Variants in ARHGAP42 observed in about 807,000 individuals in gnomAD.
ARHGAP42 encodes rho GTPase-activating protein 42.
ARHGAP42 carries 63 observed loss-of-function variants against 125.0 expected under a neutral mutation model. That is an observed-to-expected ratio of 0.50 (90% CI 0.41 to 0.62). The LOEUF (loss-of-function observed/expected upper bound fraction) is 0.62. Among genes scored for constraint, ARHGAP42 ranks in the 20% least tolerant of loss-of-function variants. The pLI, the probability that ARHGAP42 is intolerant of heterozygous loss-of-function variation, is 0.00. For synonymous variants in ARHGAP42, 339 were observed against 351.0 expected, an observed-to-expected ratio of 0.97 and a Z score of 0.38; for missense variants, 766 against 1,024.2, an observed-to-expected ratio of 0.75 and a Z score of 3.44.
chr11:100,850,467 C>G (rs1373205052), intron 3 of ARHGAP42, among the ~76,000 whole-genome samples: 1 of 152,138 alleles, frequency 6.6e-6, no homozygotes, highest in East Asian at 1.9e-4. Flanking sequence ...TTCTTCAGCT[C>G]CATTATAATC....
At chr11:100,799,610 G>A (rs1006760016) in intron 3 of ARHGAP42, among the ~76,000 whole-genome samples, 5 of 152,192 alleles carry the variant, frequency 3.3e-5, no homozygotes, top group Admixed American at 3.3e-4. Context: ...AGAATTAGAA[G>A]AGTAATGGAG....
chr11:100,904,409 G>A (rs1866664661), intron 4 of ARHGAP42, among the ~76,000 whole-genome samples: 1 of 152,084 alleles, frequency 6.6e-6, no homozygotes, highest in South Asian at 2.1e-4. Flanking sequence ...ACCACGCCCA[G>A]CTAATTTTTG....
At chr11:100,924,437 C>T (rs1158944711) in intron 6 of ARHGAP42, among the ~76,000 whole-genome samples, 4 of 151,864 alleles carry the variant, frequency 2.6e-5, no homozygotes, top group African/African-American at 7.3e-5. Flanking sequence ...GAGGCCGAGG[C>T]GGGTGGATCG....
chr11:100,813,427 G>A (rs1591202788), intron 3 of ARHGAP42, among the ~76,000 whole-genome samples: 1 of 152,192 alleles, frequency 6.6e-6, no homozygotes, highest in Admixed American at 6.5e-5. Context: ...GGTAACAGGT[G>A]TGGTGAGTGT....
At chr11:100,793,824 C>A (rs969228932) in intron 2 of ARHGAP42, among the ~76,000 whole-genome samples, 30 of 152,058 alleles carry the variant, frequency 2.0e-4, no homozygotes, top group African/African-American at 6.5e-4. Context: ...GTAATCCCAG[C>A]ACTTTGGGAG....
At chr11:100,787,044 G>A (rs1266675317) in intron 2 of ARHGAP42, among the ~76,000 whole-genome samples, 3 of 152,026 alleles carry the variant, frequency 2.0e-5, no homozygotes, top group African/African-American at 4.8e-5. Context: ...TTGGGAGGCC[G>A]AGGCGGGTGG....
chr11:100,855,586 A>G (rs1174147417), intron 3 of ARHGAP42, among the ~76,000 whole-genome samples: 1 of 152,100 alleles, frequency 6.6e-6, no homozygotes, highest in Non-Finnish European at 1.5e-5. Flanking sequence ...AAATCCAAAC[A>G]TATTTGGAGA....
intron 3 of ARHGAP42, among the ~76,000 whole-genome samples, chr11:100,835,013 C>G (rs1452387328): frequency 6.6e-6 from 1 of 151,988 alleles, no homozygotes; most frequent in Non-Finnish European, 1.5e-5. Context: ...TAAAACACTT[C>G]ATCTGAGTGA....
chr11:100,688,010 T>C, intron 1 of ARHGAP42, 178 bp downstream of exon 1: 1 of 600,062 alleles, frequency 1.7e-6, no homozygotes, highest in Non-Finnish European at 2.7e-6. Flanking sequence ...GTTCTTTACT[T>C]ACTCACATGT....
chr11:100,767,372 A>T (rs1862854662), intron 1 of ARHGAP42, among the ~76,000 whole-genome samples: 1 of 152,158 alleles, frequency 6.6e-6, no homozygotes, highest in Admixed American at 6.5e-5. Context: ...CAGAATTCTA[A>T]CCCAGTTAAT....
intron 4 of ARHGAP42, among the ~76,000 whole-genome samples, chr11:100,899,692 TTTTG>T (rs1343235515): frequency 7.1e-6 from 1 of 140,280 alleles, no homozygotes; most frequent in African/African-American, 2.7e-5. Flanking sequence ...TGTTTGTTTG[TTTTG>T]TTTTTTTTGT....
chr11:100,858,473 G>A (rs569549826), intron 3 of ARHGAP42, among the ~76,000 whole-genome samples: 1 of 152,020 alleles, frequency 6.6e-6, no homozygotes, highest in African/African-American at 2.4e-5. Flanking sequence ...TTTTATTTTT[G>A]TATATTATCT....
intron 23 of ARHGAP42, 80 bp from the exon 24 acceptor site, chr11:100,988,633 G>A (rs1005954597): frequency 1.7e-6 from 2 of 1,151,284 alleles, no homozygotes; most frequent in African/African-American, 3.0e-5. Flanking sequence ...ACAATCCGAT[G>A]TGGGTGTTTA....
At chr11:100,789,445 C>T (rs921887495) in intron 2 of ARHGAP42, among the ~76,000 whole-genome samples, 2 of 152,130 alleles carry the variant, frequency 1.3e-5, no homozygotes, top group African/African-American at 2.4e-5. Flanking sequence ...CTTGCAAGAT[C>T]GTAGACAGTT....
chr11:100,973,113 G>T (rs1483620335), intron 17 of ARHGAP42, 62 bp from the exon 18 acceptor site: 2 of 1,373,374 alleles, frequency 1.5e-6, no homozygotes, highest in Admixed American at 5.5e-5. Context: ...TTTGATAGAA[G>T]AGACTATTTC....
At chr11:100,956,887 A>G (rs183903069) in intron 12 of ARHGAP42, among the ~76,000 whole-genome samples, 1 of 152,216 alleles carries the variant, frequency 6.6e-6, no homozygotes. Flanking sequence ...TGTTCAAAAA[A>G]CAACACTTGT....
chr11:100,986,299 C>G (rs1858677025), intron 22 of ARHGAP42: 4 of 333,416 alleles, frequency 1.2e-5, no homozygotes, highest in Non-Finnish European at 1.7e-5. Context: ...AAGTACATGG[C>G]CATGTGAAGA....
At chr11:100,857,833 G>C (rs992635689) in intron 3 of ARHGAP42, among the ~76,000 whole-genome samples, 9 of 151,924 alleles carry the variant, frequency 5.9e-5, no homozygotes, top group African/African-American at 2.2e-4. Context: ...ACAGAAACCC[G>C]TCCTCGTTCC....
Position 100,811,396 on chromosome 11 carries a change from G to A in ARHGAP42, c.312+16230G>A, listed in dbSNP as rs192150691. ...AAATCCATTTATAAGGAAAAATGTA[G>A]GACATGGCCATGGCCAAAATCACGG... On this transcript the variant is annotated intron_variant, in intron 3 of 23. Transcript: ENST00000298815. 2.6e-5 allele frequency among the ~76,000 whole-genome samples: 4 copies of A among 152,280 alleles called. No homozygotes were observed. The East Asian group carries it at 5.8e-4, about 22-fold the overall frequency.
Sources: allele counts gnomAD v4.1 joint callset (sites outside exome capture counted in the v4.1 genomes callset), GRCh38; gene constraint gnomAD v4.1.1; transcripts MANE v1.5; gene names NCBI Gene and HGNC (gene_info 2026-07-23, HGNC 2026-07-21).